The following AFF2 variants were observed in gnomAD, a reference collection of about 807,000 sequenced individuals.
AFF2 encodes AF4/FMR2 family member 2.
In AFF2, 14 loss-of-function variants were observed where a neutral mutation model predicts 76.9. The observed-to-expected ratio is 0.18, with a 90% CI of 0.12 to 0.28. The LOEUF is 0.28. Among genes scored for constraint, AFF2 ranks in the 10% least tolerant of loss-of-function variants. The pLI is 1.00. For missense variants in AFF2, 868 were observed against 1,001.1 expected (o/e 0.87, Z 1.79); for synonymous variants, 398 against 366.7 (o/e 1.09, Z -0.98).
chrX:148,945,751 G>A (rs1278925600), intron 9 of AFF2, among the ~76,000 whole-genome samples: 2 of 112,356 alleles, frequency 1.8e-5, no homozygotes, highest in Non-Finnish European at 3.8e-5. Context: ...CCATTTTACA[G>A]GTAAGGAAAC....
chrX:148,966,896 C>G lies in AFF2; in HGVS notation c.3020C>G (p.Thr1007Arg), dbSNP rs782818370. The G allele has an allele frequency of 4.1e-6, 5 of 1,208,927 alleles. No homozygotes were observed. Among genetic ancestry groups the G allele is most frequent in the Non-Finnish European group, 5.6e-6 (5 of 895,053 alleles). The change falls in exon 14 of 21, where the codon ACA (threonine) becomes AGA (arginine). Residue 1007 changes from threonine (T) to arginine (R), a missense_variant. By Grantham distance (71) the Thr-to-Arg change is moderately conservative. Transcript: ENST00000370460. Reference protein sequence around the residue: ...TATAIVTTTVTATATATATTT... With the variant: ...TATAIVTTTVRATATATATTT... ...ACTGCCATTGTCACCACCACTGTCA[C>G]AGCTACTGCCACCGCCACGGCCACC...
chrX:148,811,468 G>A (rs782633739), intron 4 of AFF2, among the ~76,000 whole-genome samples: 3 of 111,787 alleles, frequency 2.7e-5, no homozygotes, highest in South Asian at 7.5e-4. Context: ...GGGAACTCAG[G>A]CCTTTCCCAT....
intron 1 of AFF2, among the ~76,000 whole-genome samples, chrX:148,625,177 A>T (rs1171468301): frequency 9.0e-6 from 1 of 110,915 alleles, no homozygotes; most frequent in Non-Finnish European, 1.9e-5. Context: ...CAAAGAAGGG[A>T]TACCTAACTT....
chrX:148,595,282 T>A (rs1837695508), intron 1 of AFF2, among the ~76,000 whole-genome samples: 1 of 111,705 alleles, frequency 9.0e-6, no homozygotes, highest in Non-Finnish European at 1.9e-5. Flanking sequence ...TCTAACCAAG[T>A]TTTTCTCAGT....
chrX:148,747,253 A>G (rs2055432232), intron 3 of AFF2, among the ~76,000 whole-genome samples: 1 of 111,370 alleles, frequency 9.0e-6, no homozygotes, highest in Admixed American at 9.6e-5. Flanking sequence ...CTCAAACATC[A>G]TCTTTTGCGC....
Position 148,677,749 on chromosome X carries a change from T to G in AFF2, c.1041+14981T>G, listed in dbSNP as rs187166548. ...TTACAATGGAGAGTGGGAATGACTT[T>G]GCACTCAGTGCTATTCTCTCCCTCA... On this transcript the variant is annotated intron_variant, in intron 3 of 20. Coordinates refer to ENST00000370460, the MANE Select transcript of AFF2 (RefSeq NM_002025.4). Among the ~76,000 whole-genome samples the G allele has an allele frequency of 3.0e-3, 340 of 112,438 alleles. 4 individuals carry two copies. The highest frequency in any genetic ancestry group is 0.01 in the African/African-American group (321 of 31,017).
rs2071458042 is a variant in AFF2, at chrX:148,910,623, G to A, written c.1397+6365G>A. Among the ~76,000 whole-genome samples, 2 of 112,193 alleles carry A rather than the reference G, an allele frequency of 1.8e-5. 1 individual carries two copies. Among genetic ancestry groups the A allele is most frequent in the South Asian group, 7.5e-4 (2 of 2,682 alleles). ...CCAGGATTTTAAGGACTGCTGGTTT[G>A]CGACACTGGTGCTGAGGTATGGCAA... On this transcript the variant is annotated intron_variant, in intron 9 of 20. Transcript: ENST00000370460.
chrX:148,710,180 G>C (rs1011718520), intron 3 of AFF2, among the ~76,000 whole-genome samples: 1 of 112,048 alleles, frequency 8.9e-6, no homozygotes, highest in African/African-American at 3.2e-5. Context: ...AACTAGTGAT[G>C]AAATTGATCA....
intron 8 of AFF2, among the ~76,000 whole-genome samples, chrX:148,887,325 C>T (rs1163246030): frequency 1.8e-5 from 2 of 111,849 alleles, no homozygotes; most frequent in Non-Finnish European, 3.8e-5. Flanking sequence ...ATTGTCATTT[C>T]TCCTTCACAC....
In AFF2 at chrX:148,581,264, G is replaced by A. The variant is rs111213674; in HGVS notation, c.48-70735G>A. Among the ~76,000 whole-genome samples, 877 of 25,375 alleles carry A rather than the reference G, an allele frequency of 0.035. 136 individuals are homozygous for A. In the East Asian group the frequency reaches 0.75, roughly 22 times the overall value. The allele number at this position is 25,375 out of a possible 115,157, so 22.0% of individuals were successfully genotyped here. ...CGTGTACACACATATACGTATACGT[G>A]TACACACATATACACGTATATACGT... On this transcript the variant is annotated intron_variant, in intron 1 of 20. Transcript: ENST00000370460.
chrX:148,777,142 T>C, intron 3 of AFF2, among the ~76,000 whole-genome samples: 1 of 111,813 alleles, frequency 8.9e-6, no homozygotes, highest in Middle Eastern at 4.6e-3. Context: ...GTTTTTCTCA[T>C]GTTTGTCAAA....
intron 3 of AFF2, among the ~76,000 whole-genome samples, chrX:148,700,419 AGTGTGTGTGTGTGTGTGTGTGTGT>A (rs368077947): frequency 4.8e-5 from 4 of 82,497 alleles, no homozygotes; most frequent in Non-Finnish European, 9.3e-5. Flanking sequence ...GTACTGTTGA[AGTGTGTGTGTGTGTGTGTGTGTGT>A]GTGTGTGTGT....
intron 7 of AFF2, among the ~76,000 whole-genome samples, chrX:148,865,956 G>A (rs895163703): frequency 8.0e-5 from 9 of 111,815 alleles, no homozygotes; most frequent in Admixed American, 1.9e-4. Context: ...TCGATAAAAC[G>A]AGTTGGGCAT....
At chrX:148,730,632 C>T (rs1317790125) in intron 3 of AFF2, among the ~76,000 whole-genome samples, 2 of 112,733 alleles carry the variant, frequency 1.8e-5, no homozygotes, top group African/African-American at 3.2e-5. Flanking sequence ...TGACATGATC[C>T]GAACTATGTT....
intron 1 of AFF2, among the ~76,000 whole-genome samples, chrX:148,630,086 G>A (rs1286196209): frequency 9.0e-6 from 1 of 111,688 alleles, no homozygotes; most frequent in Non-Finnish European, 1.9e-5. Flanking sequence ...GTTCCCTAGA[G>A]AGTACCAGAC....
At chrX:148,859,002 C>A (rs782526234) in intron 7 of AFF2, among the ~76,000 whole-genome samples, 1 of 106,128 alleles carries the variant, frequency 9.4e-6, no homozygotes, top group African/African-American at 3.4e-5. Context: ...TATGAAAAAA[C>A]TACAATACGC....
At chrX:148,762,052 T>C (rs966816853) in intron 3 of AFF2, among the ~76,000 whole-genome samples, 12 of 110,373 alleles carry the variant, frequency 1.1e-4, no homozygotes, top group Non-Finnish European at 2.1e-4. Flanking sequence ...ATTTTTACGT[T>C]TTTAAAATTT....
rs2072603380 is a variant in AFF2 at position 148,996,624 on chromosome X, A to C, written c.*5292A>C. ...ATGACTAAAACAATTACATAGTTTTAAGATATGAATCAATGTGTGAATGTA... is the reference window on the plus strand; with the variant it reads ...ATGACTAAAACAATTACATAGTTTTCAGATATGAATCAATGTGTGAATGTA... On this transcript the variant is annotated 3_prime_UTR_variant, in exon 21 of 21. Transcript: ENST00000370460. The C allele has an allele frequency of 8.9e-6, 1 of 112,406 alleles. No homozygotes were observed. The highest frequency in any genetic ancestry group is 1.9e-5 in the Non-Finnish European group (1 of 53,297). 9.3% of individuals were successfully genotyped at this position (112,406 alleles called of 1,213,427 possible).
chrX:148,707,654 A>G (rs1557262504), intron 3 of AFF2, among the ~76,000 whole-genome samples: 1 of 110,592 alleles, frequency 9.0e-6, no homozygotes, highest in Non-Finnish European at 1.9e-5. Flanking sequence ...AATTTTATTA[A>G]TGTTCAAACT....
Sources: gnomAD v4.1 joint callset for allele counts (sites outside exome capture counted in the v4.1 genomes callset) on GRCh38, gnomAD v4.1.1 for gene constraint, MANE v1.5 for transcripts, NCBI Gene and HGNC (gene_info 2026-07-23, HGNC 2026-07-21) for gene names.